The following TRIM5 variants were observed in gnomAD, a reference collection of about 807,000 sequenced individuals.
TRIM5 encodes the protein tripartite motif containing 5, also known as tripartite motif-containing protein 5.
A neutral mutation model predicts 35.6 loss-of-function variants in TRIM5; 31 were observed. The observed-to-expected ratio is 0.87, with a 90% CI of 0.65 to 1.18. The LOEUF (loss-of-function observed/expected upper bound fraction) is 1.18. Ranked by LOEUF, TRIM5 falls within the 50% of genes most tolerant of loss-of-function variation. The pLI is 0.00. For synonymous variants in TRIM5, 243 were observed against 215.6 expected (o/e 1.13, Z -1.11); for missense variants, 609 against 591.6 (o/e 1.03, Z -0.31).
At chr11:5,666,900 T>A (rs527281190) in intron 5 of TRIM5, among the ~76,000 whole-genome samples, 1 of 152,122 alleles carries the variant, frequency 6.6e-6, no homozygotes, top group African/African-American at 2.4e-5. Context: ...ATTTTGGAAA[T>A]CTAAATATAA....
the TRIM5 span, among the ~76,000 whole-genome samples, chr11:5,597,073 A>ATTT: frequency 3.2e-3 from 479 of 151,906 alleles, 1 homozygote; most frequent in Middle Eastern, 0.017. Context: ...GAGACATTTT[A>ATTT]ATCAGTCAGT....
intron 4 of TRIM5, chr11:5,669,912 T>G (rs1004426859): frequency 2.1e-5 from 4 of 193,178 alleles, no homozygotes; most frequent in African/African-American, 9.5e-5. Context: ...GAGGCGGAGG[T>G]TGCAGTTATC....
chr11:5,623,583 T>C, the TRIM5 span, among the ~76,000 whole-genome samples: 4 of 146,806 alleles, frequency 2.7e-5, no homozygotes, highest in East Asian at 2.0e-4. Flanking sequence ...GGTTTCACCA[T>C]GTTAGCCAGG....
the TRIM5 span, among the ~76,000 whole-genome samples, chr11:5,625,461 T>C: frequency 1.3e-5 from 2 of 152,156 alleles, no homozygotes; most frequent in African/African-American, 4.8e-5. Context: ...AAAGAGAAGT[T>C]GGTGAAAGGA....
At chr11:5,679,507 A>G (rs1232992100) in intron 2 of TRIM5, among the ~76,000 whole-genome samples, 3 of 152,140 alleles carry the variant, frequency 2.0e-5, no homozygotes, top group Admixed American at 2.0e-4. Context: ...CTTGGACACC[A>G]AATCTCTACC....
At position 5,664,218 on chromosome 11, in the gene TRIM5, A is replaced by G. The variant is rs1042836387; in HGVS notation, c.*591T>C. ...CTTCATCTCAAAAAAAAAAAAAAAGAAAAAAGAAAAGAAAAGGAAATAAGC... is the reference window on the plus strand; with the variant it reads ...CTTCATCTCAAAAAAAAAAAAAAAGGAAAAAGAAAAGAAAAGGAAATAAGC... On this transcript the variant is annotated 3_prime_UTR_variant, in exon 8 of 8. Transcript: ENST00000380034. 2.1e-6 allele frequency: 2 copies of G among 959,828 alleles called. No individual in the cohort carries two copies. The highest frequency in any genetic ancestry group is 1.8e-5 in the African/African-American group (1 of 55,422). The allele number at this position is 959,828 out of a possible 1,614,324, so 59.5% of individuals were successfully genotyped here.
chr11:5,654,700 T>C, the TRIM5 span, among the ~76,000 whole-genome samples: 9 of 152,172 alleles, frequency 5.9e-5, no homozygotes, highest in African/African-American at 2.2e-4. Context: ...AAAAATGTGC[T>C]TAGAGTGTTG....
At chr11:5,643,083 T>C in the TRIM5 span, 1 of 1,280,634 alleles carries the variant, frequency 7.8e-7, no homozygotes, top group Non-Finnish European at 1.0e-6. Context: ...CACCTAATCA[T>C]ATATATCACA....
the TRIM5 span, chr11:5,634,598 CTT>C: frequency 1.3e-6 from 2 of 1,587,934 alleles, no homozygotes; most frequent in Non-Finnish European, 1.7e-6. Context: ...GCCTGACAAA[CTT>C]ACTACAACTC....
the TRIM5 span, among the ~76,000 whole-genome samples, chr11:5,622,586 C>T: frequency 6.6e-6 from 1 of 152,100 alleles, no homozygotes; most frequent in South Asian, 2.1e-4. Context: ...CCATTGCACT[C>T]CAGTCTGGGC....
At position 5,678,329 on chromosome 11, in the gene TRIM5, C is replaced by T; in HGVS notation, c.619G>A (p.Glu207Lys). Residue 207 changes from glutamate (E) to lysine (K), a missense_variant, in exon 4 of 8, where the codon GAG becomes AAG. Transcript: ENST00000380034. The part of the protein sequence containing the change: ...SNELQNLEKE[E>K]EDILKSLTNS... The stretch of plus-strand genomic sequence containing the variant: ...GTAAGGCTTTTCAGAATGTCTTCCT[C>T]CTCCTTCTCCAGGTTTTGCAGCTCA... 3 of 1,614,032 alleles carry T rather than the reference C, an allele frequency of 1.9e-6. No homozygotes were observed. Among genetic ancestry groups the T allele is most frequent in the Non-Finnish European group, 2.5e-6 (3 of 1,179,922 alleles).
At chr11:5,624,687 A>G in the TRIM5 span, 1 of 152,318 alleles carries the variant, frequency 6.6e-6, no homozygotes, top group East Asian at 1.9e-4. Context: ...GCTTAGCGGC[A>G]TCTGTGACCT....
chr11:5,630,385 C>T, the TRIM5 span, among the ~76,000 whole-genome samples: 1 of 152,104 alleles, frequency 6.6e-6, no homozygotes, highest in Admixed American at 6.5e-5. Flanking sequence ...GTTAACTTGT[C>T]CTGCATCCTC....
chr11:5,595,831 C>T, the TRIM5 span, among the ~76,000 whole-genome samples: 2 of 151,906 alleles, frequency 1.3e-5, no homozygotes, highest in Admixed American at 6.6e-5. Flanking sequence ...TAGCTAGGAC[C>T]ACAGGCGCGC....
the TRIM5 span, chr11:5,633,934 AATC>A: frequency 6.2e-7 from 1 of 1,610,338 alleles, no homozygotes; most frequent in Non-Finnish European, 8.5e-7. Context: ...CTGAGACAGG[AATC>A]TTGACAGGAC....
the TRIM5 span, among the ~76,000 whole-genome samples, chr11:5,622,444 CAAAAAAAA>C: frequency 1.7e-5 from 2 of 116,422 alleles, no homozygotes; most frequent in African/African-American, 6.5e-5. Context: ...GACTACCTCT[CAAAAAAAA>C]AAAAAAGAAA....
the TRIM5 span, chr11:5,643,577 AT>A: frequency 1.4e-5 from 23 of 1,613,810 alleles, no homozygotes; most frequent in Admixed American, 1.7e-5. Flanking sequence ...GCATTGTCTC[AT>A]TTTTCAATGT....
In TRIM5 at chr11:5,665,213, A is replaced by G; in HGVS notation, c.1078T>C (p.Tyr360His). 6.2e-7 allele frequency: 1 copy of G among 1,614,166 alleles called. No homozygotes were observed. The highest frequency in any genetic ancestry group is 8.5e-7 in the Non-Finnish European group (1 of 1,180,020). The change falls in exon 8 of 8, where the codon TAC (tyrosine) becomes CAC (histidine). Residue 360 changes from tyrosine to histidine, a missense_variant. By Grantham distance (83) the Tyr-to-His change is moderately conservative. Coordinates refer to ENST00000380034, the MANE Select transcript of TRIM5 (RefSeq NM_033034.3). ...GSQSITSGKH[Y>H]WEVDVSKKTA... ...TTCTTGGACACGTCTACCTCCCAGTAATGTTTCCCTGATGTGATACTTTGA... is the reference window on the plus strand; with the variant it reads ...TTCTTGGACACGTCTACCTCCCAGTGATGTTTCCCTGATGTGATACTTTGA...
the TRIM5 span, among the ~76,000 whole-genome samples, chr11:5,656,886 T>G: frequency 1.3e-5 from 2 of 152,180 alleles, no homozygotes. Flanking sequence ...GTTCGACCAT[T>G]GTGGAAGATA....
Sources: allele counts gnomAD v4.1 joint callset (sites outside exome capture counted in the v4.1 genomes callset), GRCh38; gene constraint gnomAD v4.1.1; transcripts MANE v1.5; gene names NCBI Gene and HGNC (gene_info 2026-07-23, HGNC 2026-07-21).